Variants in MAST4 observed in about 807,000 individuals in gnomAD.
MAST4 encodes the protein microtubule associated serine/threonine kinase family member 4.
Under a neutral mutation model 162.7 loss-of-function variants are expected in MAST4, and 89 were observed. The ratio of observed to expected loss-of-function variants is 0.55; its 90% confidence interval spans 0.46 to 0.65. MAST4 has a LOEUF of 0.65. MAST4 is among the 30% of genes least tolerant of loss of function. The pLI is 0.00. For missense variants in MAST4, 3,153 were observed against 3,374.0 expected (o/e 0.93, Z 1.62); for synonymous variants, 1,479 against 1,361.1 (o/e 1.09, Z -1.91).
intron 4 of MAST4, among the ~76,000 whole-genome samples, chr5:66,946,179 C>T (rs1744008751): frequency 6.6e-6 from 1 of 152,110 alleles, no homozygotes; most frequent in South Asian, 2.1e-4. Flanking sequence ...GACTGGAATA[C>T]AGAGGAGCTG....
At chr5:66,618,370 T>C (rs1425585463) in intron 1 of MAST4, among the ~76,000 whole-genome samples, 2 of 152,336 alleles carry the variant, frequency 1.3e-5, no homozygotes, top group Non-Finnish European at 2.9e-5. Context: ...TCCTTTCAAG[T>C]GTCTGACTTT....
At chr5:67,055,928 C>T (rs1040804395) in intron 5 of MAST4, among the ~76,000 whole-genome samples, 5 of 150,976 alleles carry the variant, frequency 3.3e-5, no homozygotes, top group South Asian at 2.1e-4. Context: ...ACAACAAAAG[C>T]GAGTCACAAA....
chr5:67,049,661 A>G (rs1309449030), intron 4 of MAST4, among the ~76,000 whole-genome samples: 3 of 152,076 alleles, frequency 2.0e-5, no homozygotes, highest in South Asian at 2.1e-4. Context: ...TCAATTCACT[A>G]TATTATTACT....
chr5:66,926,059 G>T (rs906982245), intron 4 of MAST4, among the ~76,000 whole-genome samples: 1 of 151,726 alleles, frequency 6.6e-6, no homozygotes, highest in Non-Finnish European at 1.5e-5. Flanking sequence ...TCATCCATTT[G>T]GGCTTTTTGT....
chr5:67,106,247 A>G (rs765448099), intron 10 of MAST4, among the ~76,000 whole-genome samples: 13 of 151,980 alleles, frequency 8.6e-5, no homozygotes, highest in Non-Finnish European at 1.8e-4. Flanking sequence ...TCAAATCCTT[A>G]CCTCAGACCA....
chr5:66,990,831 G>C (rs991695639), intron 4 of MAST4, among the ~76,000 whole-genome samples: 1 of 152,126 alleles, frequency 6.6e-6, no homozygotes, highest in African/African-American at 2.4e-5. Flanking sequence ...CTGACAGATA[G>C]AGTACATGTG....
At chr5:66,639,584 G>T (rs547421935) in intron 1 of MAST4, among the ~76,000 whole-genome samples, 1 of 152,126 alleles carries the variant, frequency 6.6e-6, no homozygotes, top group East Asian at 1.9e-4. Context: ...ACAAAAAACA[G>T]CTCCAAAATG....
chr5:66,963,854 C>T lies in MAST4; in HGVS notation c.674+63872C>T, dbSNP rs117110237. 1.5e-3 allele frequency: 1,168 copies of T among 775,558 alleles called. 23 individuals are homozygous for T. In the East Asian group the frequency reaches 0.022, roughly 15 times the overall value. The allele number at this position is 775,558 out of a possible 1,614,324, so 48.0% of individuals were successfully genotyped here. A position where few individuals can be genotyped will look rare whatever the true frequency, so the allele number is the denominator to read the frequency against. On this transcript the variant is annotated intron_variant, in intron 4 of 28. Transcript: ENST00000403625. ...CTGTTGCCCCATTTCCCACCACCAGCATTTGATTACTTCAGACTCTGCAAT... is the reference window on the plus strand; with the variant it reads ...CTGTTGCCCCATTTCCCACCACCAGTATTTGATTACTTCAGACTCTGCAAT...
rs563956792 is a variant in MAST4, at chr5:67,106,931, A to G, written c.1356+2356A>G. On this transcript the variant is annotated intron_variant, in intron 10 of 28. Transcript: ENST00000403625. ...ATACAACTGCATGCCAAAATATTCA[A>G]CCTATTAGGATGTATCAAGTAATCT... is the stretch of plus-strand genomic sequence containing the variant. Among the ~76,000 whole-genome samples the G allele has an allele frequency of 7.9e-5, 12 of 152,308 alleles. No individual in the cohort carries two copies. In the South Asian group the frequency reaches 2.1e-3, roughly 26 times the overall value.
At chr5:67,077,632 T>C (rs535075539) in intron 5 of MAST4, among the ~76,000 whole-genome samples, 11 of 152,242 alleles carry the variant, frequency 7.2e-5, no homozygotes, top group Non-Finnish European at 1.2e-4. Flanking sequence ...TACTTCACTT[T>C]ACTTAAGTGT....
At chr5:66,648,051 T>G in intron 1 of MAST4, among the ~76,000 whole-genome samples, 1 of 61,086 alleles carries the variant, frequency 1.6e-5, no homozygotes, top group African/African-American at 5.9e-5. Context: ...TGTGTGTGTG[T>G]GTGTGTGTGT....
At chr5:66,661,107 A>C (rs909156495) in intron 1 of MAST4, among the ~76,000 whole-genome samples, 1 of 152,198 alleles carries the variant, frequency 6.6e-6, no homozygotes, top group African/African-American at 2.4e-5. Context: ...AGTCAGGATT[A>C]GATTCAGTGG....
At chr5:67,067,220 A>G (rs1760353224) in intron 5 of MAST4, among the ~76,000 whole-genome samples, 1 of 152,304 alleles carries the variant, frequency 6.6e-6, no homozygotes. Flanking sequence ...GATATGCTAA[A>G]TGGTGTACAT....
chr5:66,956,692 C>G (rs1238453073), intron 4 of MAST4, among the ~76,000 whole-genome samples: 2 of 152,096 alleles, frequency 1.3e-5, no homozygotes, highest in East Asian at 3.8e-4. Context: ...AATACATTAC[C>G]ATTGTTGTTC....
Position 67,130,314 on chromosome 5 carries a change from T to A in MAST4, c.1850T>A (p.Val617Glu). 1 of 1,613,946 alleles carries A rather than the reference T, an allele frequency of 6.2e-7. No individual in the cohort carries two copies. The highest frequency in any genetic ancestry group is 1.1e-5 in the South Asian group (1 of 91,082). The change falls in exon 15 of 29, where the codon GTG becomes GAG. Residue 617 changes from valine (V) to glutamate (E), a missense_variant. Val to Glu is a moderately radical substitution (Grantham distance 121, BLOSUM62 -2). This residue lies in a region of MAST4 where 131 missense variants were observed against 253.8 expected (regional missense o/e 0.52). Transcript: ENST00000403625. ...ILRNQIQQAF[V>E]ERDILTFAEN... Reference sequence around the variant, plus strand: ...CGAAACCAGATCCAGCAGGCCTTTGTGGAGCGGGATATCCTGACTTTTGCA... The same window carrying A: ...CGAAACCAGATCCAGCAGGCCTTTGAGGAGCGGGATATCCTGACTTTTGCA...
chr5:67,120,245 T>G (rs1767411584), intron 13 of MAST4, among the ~76,000 whole-genome samples: 1 of 152,072 alleles, frequency 6.6e-6, no homozygotes, highest in African/African-American at 2.4e-5. Flanking sequence ...GTAGCCAAGT[T>G]TTTCAAAGAT....
chr5:67,115,084 AT>A (rs1766728904), intron 12 of MAST4: 1 of 151,596 alleles, frequency 6.6e-6, no homozygotes, highest in African/African-American at 2.4e-5. Context: ...GTTTATTCAC[AT>A]TTTAAAATAA....
chr5:66,865,237 A>G (rs1046774392), intron 3 of MAST4, among the ~76,000 whole-genome samples: 4 of 152,184 alleles, frequency 2.6e-5, no homozygotes, highest in Admixed American at 2.6e-4. Context: ...TGTCAAGGAG[A>G]TGTGACAGAG....
intron 9 of MAST4, among the ~76,000 whole-genome samples, chr5:67,103,141 A>G (rs1275496333): frequency 4.6e-5 from 7 of 152,308 alleles, no homozygotes; most frequent in African/African-American, 1.7e-4. Context: ...AGACTGGTAA[A>G]GGAACATGAA....
Sources: allele counts gnomAD v4.1 joint callset (sites outside exome capture counted in the v4.1 genomes callset), GRCh38; gene constraint gnomAD v4.1.1; regional missense constraint gnomAD v4.1.1; transcripts MANE v1.5; gene names NCBI Gene and HGNC (gene_info 2026-07-23, HGNC 2026-07-21).